CFAP299: variants seen among roughly 807,000 people sequenced by gnomAD.
The protein encoded by CFAP299 is cilia and flagella associated protein 299.
CFAP299 carries 21 observed loss-of-function variants against 27.0 expected under a neutral mutation model. That is an observed-to-expected ratio of 0.78 (90% CI 0.55 to 1.12). CFAP299 has a LOEUF of 1.12. Among genes scored for constraint, CFAP299 ranks in the 50% most tolerant of loss-of-function variants. The pLI is 0.00. For synonymous variants in CFAP299, 104 were observed against 98.1 expected (o/e 1.06, Z -0.36); for missense variants, 310 against 276.6 (o/e 1.12, Z -0.86).
intron 3 of CFAP299, among the ~76,000 whole-genome samples, chr4:80,772,290 G>A (rs865804664): frequency 2.0e-4 from 31 of 152,222 alleles, no homozygotes; most frequent in African/African-American, 6.7e-4. Context: ...AATATGTCAA[G>A]AGTTGCCAGA....
At chr4:80,672,444 G>A (rs1741540109) in intron 3 of CFAP299, among the ~76,000 whole-genome samples, 1 of 152,098 alleles carries the variant, frequency 6.6e-6, no homozygotes. Flanking sequence ...ATGTTCATCA[G>A]GGATATTGGT....
chr4:80,608,860 CATGTGTGTGTGTGT>C (rs1455171154), intron 3 of CFAP299, among the ~76,000 whole-genome samples: 1 of 49,370 alleles, frequency 2.0e-5, no homozygotes, highest in African/African-American at 4.5e-5. Context: ...TTACACGATG[CATGTGTGTGTGTGT>C]GTGTGTGTGT....
intron 5 of CFAP299, among the ~76,000 whole-genome samples, chr4:80,946,366 C>A (rs1025900166): frequency 6.6e-6 from 1 of 152,056 alleles, no homozygotes; most frequent in African/African-American, 2.4e-5. Context: ...GCCAAAATAA[C>A]CACATTCAAA....
At chr4:80,461,408 T>C (rs770889631) in intron 2 of CFAP299, among the ~76,000 whole-genome samples, 6 of 152,156 alleles carry the variant, frequency 3.9e-5, no homozygotes, top group Non-Finnish European at 8.8e-5. Context: ...TCTGGATATG[T>C]CAAAGAAATA....
At chr4:80,911,244 A>G (rs551624839) in intron 4 of CFAP299, among the ~76,000 whole-genome samples, 1 of 78,524 alleles carries the variant, frequency 1.3e-5, no homozygotes, top group Non-Finnish European at 2.8e-5. Flanking sequence ...GGACCATTTT[A>G]TCTTCTTTTC....
chr4:80,332,377 G>A (rs1397319666), upstream of CFAP299, among the ~76,000 whole-genome samples: 1 of 152,086 alleles, frequency 6.6e-6, no homozygotes, highest in Admixed American at 6.6e-5. Flanking sequence ...AAATGGGAAA[G>A]GAGCTGGGGT....
At chr4:80,502,540 T>C (rs1350184979) in intron 2 of CFAP299, among the ~76,000 whole-genome samples, 1 of 152,072 alleles carries the variant, frequency 6.6e-6, no homozygotes, top group Non-Finnish European at 1.5e-5. Flanking sequence ...TCTATTGCTG[T>C]TTTTTTCTTC....
chr4:80,910,516 T>C (rs1324338474), intron 4 of CFAP299, among the ~76,000 whole-genome samples: 1 of 152,114 alleles, frequency 6.6e-6, no homozygotes, highest in Non-Finnish European at 1.5e-5. Flanking sequence ...GATCTTGTCC[T>C]TTGCAGGAAC....
At chr4:80,423,816 G>C (rs1384610985) in intron 2 of CFAP299, among the ~76,000 whole-genome samples, 1 of 152,172 alleles carries the variant, frequency 6.6e-6, no homozygotes, top group South Asian at 2.1e-4. Context: ...CAAAGGCAAG[G>C]CTCTGGGAGA....
At chr4:80,356,963 G>T (rs1723308179) in intron 1 of CFAP299, among the ~76,000 whole-genome samples, 1 of 152,034 alleles carries the variant, frequency 6.6e-6, no homozygotes, top group African/African-American at 2.4e-5. Flanking sequence ...TATGATATTG[G>T]CTGTGGGTTT....
intron 3 of CFAP299, among the ~76,000 whole-genome samples, chr4:80,634,029 G>T (rs1035393169): frequency 6.9e-6 from 1 of 144,142 alleles, no homozygotes; most frequent in African/African-American, 2.7e-5. Flanking sequence ...CTGTCGCCCA[G>T]GCTGTAGTGA....
At chr4:80,495,890 G>C (rs1731412653) in intron 2 of CFAP299, among the ~76,000 whole-genome samples, 1 of 152,178 alleles carries the variant, frequency 6.6e-6, no homozygotes, top group Admixed American at 6.5e-5. Context: ...GCCCTTTTGA[G>C]CCAGGGCTGG....
At chr4:80,374,264 G>T (rs1051802872) in intron 2 of CFAP299, among the ~76,000 whole-genome samples, 1 of 152,090 alleles carries the variant, frequency 6.6e-6, no homozygotes, top group African/African-American at 2.4e-5. Context: ...AGTCTTGTTG[G>T]TACAAGTCCT....
chr4:80,534,090 T>C (rs1477619266), intron 2 of CFAP299, among the ~76,000 whole-genome samples: 1 of 152,106 alleles, frequency 6.6e-6, no homozygotes, highest in African/African-American at 2.4e-5. Context: ...TCTACCATGC[T>C]ACATACTTAA....
chr4:80,750,906 C>T (rs560499135), intron 3 of CFAP299, among the ~76,000 whole-genome samples: 1 of 152,304 alleles, frequency 6.6e-6, no homozygotes, highest in South Asian at 2.1e-4. Flanking sequence ...TCTAGGCATA[C>T]AGCTCCTGTA....
intron 2 of CFAP299, among the ~76,000 whole-genome samples, chr4:80,502,183 G>T (rs765972645): frequency 6.6e-5 from 10 of 152,052 alleles, no homozygotes; most frequent in African/African-American, 9.7e-5. Flanking sequence ...ATTGTTTTGA[G>T]ATTTTGCAGG....
At chr4:80,704,393 G>A (rs1721699782) in intron 3 of CFAP299, among the ~76,000 whole-genome samples, 1 of 151,548 alleles carries the variant, frequency 6.6e-6, no homozygotes, top group Admixed American at 6.6e-5. Context: ...GAAAAGGCCT[G>A]GAAGAGCTAT....
At chr4:80,461,947 C>A (rs927840745) in intron 2 of CFAP299, among the ~76,000 whole-genome samples, 69 of 152,114 alleles carry the variant, frequency 4.5e-4, no homozygotes, top group African/African-American at 1.5e-3. Context: ...ATCATGACCA[C>A]TTTACCCCAG....
upstream of CFAP299, among the ~76,000 whole-genome samples, chr4:80,331,019 C>T (rs1307090219): frequency 6.6e-6 from 1 of 152,054 alleles, no homozygotes; most frequent in East Asian, 1.9e-4. Context: ...GATATTGCAA[C>T]AAATGATAAG....
Sources: allele counts gnomAD v4.1 joint callset (sites outside exome capture counted in the v4.1 genomes callset), GRCh38; gene constraint gnomAD v4.1.1; transcripts MANE v1.5; gene names NCBI Gene and HGNC (gene_info 2026-07-23, HGNC 2026-07-21).